The following DYNC2I2 variants were observed in gnomAD, a reference collection of about 807,000 sequenced individuals.
The protein encoded by DYNC2I2 is cytoplasmic dynein 2 intermediate chain 2.
A neutral mutation model predicts 52.0 loss-of-function variants in DYNC2I2; 39 were observed. That is an observed-to-expected ratio of 0.75 (90% CI 0.58 to 0.98). DYNC2I2 has a LOEUF of 0.98. DYNC2I2 is among the 50% of genes least tolerant of loss of function. DYNC2I2 has a pLI of 0.00. For synonymous variants in DYNC2I2, 359 were observed against 321.1 expected (o/e 1.12, Z -1.26); for missense variants, 743 against 728.4 (o/e 1.02, Z -0.23).
At chr9:128,656,219 A>G (rs1197204455) in intron 1 of DYNC2I2, among the ~76,000 whole-genome samples, 1 of 151,578 alleles carries the variant, frequency 6.6e-6, no homozygotes, top group Non-Finnish European at 1.5e-5. Context: ...AAAAAAAAAA[A>G]CACAAAACAA....
rs367838586 is a variant in DYNC2I2, at chr9:128,637,398, C to T, written c.436-371G>A. Among the ~76,000 whole-genome samples the T allele has an allele frequency of 3.9e-5, 6 of 152,334 alleles. No individual in the cohort carries two copies. The East Asian group carries it at 5.8e-4, about 15-fold the overall frequency. On this transcript the variant is annotated intron_variant, in intron 2 of 8. Transcript: ENST00000372715. ...GGGTCAAGCGAACCACCCGACGTCACGCTGTGCTACACGCACATGATTTTT... is the reference window on the plus strand; with the variant it reads ...GGGTCAAGCGAACCACCCGACGTCATGCTGTGCTACACGCACATGATTTTT...
chr9:128,657,295 A>G (rs1860851299), upstream of DYNC2I2, among the ~76,000 whole-genome samples: 2 of 152,234 alleles, frequency 1.3e-5, no homozygotes, highest in Non-Finnish European at 1.5e-5. Context: ...CTACAGAAAC[A>G]TGCTTATTAA....
At position 128,633,880 on chromosome 9, in the gene DYNC2I2, C is replaced by CTGTT; in HGVS notation, c.1471_1474dup (p.Ser492LysfsTer35). On this transcript the variant is annotated frameshift_variant, in exon 9 of 9. Coordinates refer to ENST00000372715, the MANE Select transcript of DYNC2I2 (RefSeq NM_052844.4). LOFTEE classifies it high-confidence loss of function. ...CGCAGCCAAGAGCTGAGTCTGCTGGCTGTTGAACTCCAGACAGTAGACAGG... is the reference window on the plus strand; with the variant it reads ...CGCAGCCAAGAGCTGAGTCTGCTGGCTGTTTGTTGAACTCCAGACAGTAGACAGG... The CTGTT allele has an allele frequency of 9.3e-6, 15 of 1,613,498 alleles. No homozygotes were observed. The highest frequency in any genetic ancestry group is 1.3e-5 in the Non-Finnish European group (15 of 1,180,046).
intron 4 of DYNC2I2, 159 bp downstream of exon 4, chr9:128,636,122 G>T: frequency 8.7e-7 from 1 of 1,145,052 alleles, no homozygotes; most frequent in Non-Finnish European, 1.3e-6. Context: ...CACCCCTCAG[G>T]GCTCACTGCA....
In DYNC2I2 at chr9:128,656,738, C is replaced by A; in HGVS notation, c.-12G>T. On this transcript the variant is annotated 5_prime_UTR_variant, in exon 1 of 9. Coordinates refer to ENST00000372715, the MANE Select transcript of DYNC2I2 (RefSeq NM_052844.4). ...GCGCGGGTTGCCATGGAGACGGTTC[C>A]GCCCTCTCGTGCGGACGCACTCAGG... The A allele has an allele frequency of 7.3e-7, 1 of 1,374,140 alleles. No individual in the cohort carries two copies. Among genetic ancestry groups the A allele is most frequent in the East Asian group, 2.9e-5 (1 of 33,996 alleles). The allele number at this position is 1,374,140 out of a possible 1,614,324, so 85.1% of individuals were successfully genotyped here.
At chr9:128,637,264 G>A (rs1194190455) in intron 2 of DYNC2I2, among the ~76,000 whole-genome samples, 1 of 152,212 alleles carries the variant, frequency 6.6e-6, no homozygotes, top group African/African-American at 2.4e-5. Flanking sequence ...CCAGAGGGGT[G>A]GCTGCCCTCA....
rs1860831276 is a variant in DYNC2I2, at chr9:128,656,614, AGCGGCCCTGGCC to A, written c.101_112del (p.Arg34_Pro37del). The A allele has an allele frequency of 6.7e-7, 1 of 1,496,134 alleles. No homozygotes were observed. The highest frequency in any genetic ancestry group is 8.8e-7 in the Non-Finnish European group (1 of 1,130,652). 92.7% of individuals were successfully genotyped at this position (1,496,134 alleles called of 1,614,324 possible). A position where few individuals can be genotyped will look rare whatever the true frequency, so the allele number is the denominator to read the frequency against. On this transcript the variant is annotated inframe_deletion, in exon 1 of 9. Transcript: ENST00000372715. ...CGCCACACCCAGGGTCTCGTCCTGC[AGCGGCCCTGGCC>A]GCCCCGGCCCCGGGCCGCTCGCAAC...
intron 1 of DYNC2I2, among the ~76,000 whole-genome samples, chr9:128,642,638 C>A (rs7037687): frequency 9.2e-5 from 14 of 151,670 alleles, no homozygotes; most frequent in Non-Finnish European, 1.8e-4. Flanking sequence ...GGGCATGGTC[C>A]TGGGTGCCTG....
the DYNC2I2 span, chr9:128,683,433 T>C: frequency 4.4e-6 from 1 of 224,870 alleles, no homozygotes; most frequent in Non-Finnish European, 8.8e-6. Context: ...TACTGAGGAA[T>C]GTTCCAAGCT....
At chr9:128,640,586 G>T in intron 2 of DYNC2I2, 105 bp downstream of exon 2, 1 of 1,510,468 alleles carries the variant, frequency 6.6e-7, no homozygotes, top group African/African-American at 1.4e-5. Context: ...GGTGATTGCT[G>T]GCCGTGATGA....
At chr9:128,679,310 C>A in the DYNC2I2 span, among the ~76,000 whole-genome samples, 1 of 152,016 alleles carries the variant, frequency 6.6e-6, no homozygotes, top group African/African-American at 2.4e-5. Context: ...AGAAGGAGCC[C>A]AGAGTCTCAG....
rs1322416112 is a variant in DYNC2I2 at position 128,650,528 on chromosome 9, T to TATATATATATATATATATA, written c.186+5994_186+6012dup. On this transcript the variant is annotated intron_variant, in intron 1 of 8. Coordinates refer to ENST00000372715, the MANE Select transcript of DYNC2I2 (RefSeq NM_052844.4). ...AAAAGTCAAGTCAGGCCAAAGACCA[T>TATATATATATATATATATA]ATATATATATATATATATATGCCAC... 7.6e-5 allele frequency among the ~76,000 whole-genome samples: 2 copies of TATATATATATATATATATA among 26,146 alleles called. 1 individual carries two copies. The highest frequency in any genetic ancestry group is 1.6e-4 in the African/African-American group (2 of 12,718). 17.2% of individuals were successfully genotyped at this position (26,146 alleles called of 152,430 possible).
the DYNC2I2 span, among the ~76,000 whole-genome samples, chr9:128,671,506 A>G: frequency 0.98 from 137,620 of 140,488 alleles, 67,425 homozygotes; most frequent in Non-Finnish European, 1. Flanking sequence ...ACGGAGTCTC[A>G]CTCTGTCTCC....
chr9:128,634,479 G>A (rs534755152), intron 7 of DYNC2I2, 96 bp from the exon 8 acceptor site: 610 of 1,462,326 alleles, frequency 4.2e-4, no homozygotes, highest in Non-Finnish European at 4.6e-4. Flanking sequence ...TGCCAGGCTC[G>A]TGAAGAGCCT....
chr9:128,651,834 G>A lies in DYNC2I2; in HGVS notation c.186+4707C>T, dbSNP rs1218412465. 9.6e-5 allele frequency: 14 copies of A among 146,358 alleles called. 2 individuals are homozygous for A. The highest frequency in any genetic ancestry group is 3.7e-4 in the African/African-American group (14 of 38,092). The allele number at this position is 146,358 out of a possible 1,614,324, so 9.1% of individuals were successfully genotyped here. A position where few individuals can be genotyped will look rare whatever the true frequency, so the allele number is the denominator to read the frequency against. The stretch of plus-strand genomic sequence containing the variant: ...GGAGGCTGAGGCAGGAGAATTGCTT[G>A]AACCCAGGAGGCAGAGGTTGCAGTG... On this transcript the variant is annotated intron_variant, in intron 1 of 8. Transcript: ENST00000372715.
chr9:128,664,906 T>G, the DYNC2I2 span, among the ~76,000 whole-genome samples: 6 of 151,878 alleles, frequency 4.0e-5, no homozygotes, highest in Non-Finnish European at 7.4e-5. Flanking sequence ...GGAGGAGCAC[T>G]TGAGCTCAGG....
the DYNC2I2 span, among the ~76,000 whole-genome samples, chr9:128,668,891 A>G: frequency 6.6e-6 from 1 of 151,802 alleles, no homozygotes; most frequent in East Asian, 1.9e-4. Context: ...ACTTACCGGG[A>G]CAGTGTATAT....
chr9:128,642,404 C>G (rs984698938), intron 1 of DYNC2I2, among the ~76,000 whole-genome samples: 3 of 145,886 alleles, frequency 2.1e-5, no homozygotes, highest in African/African-American at 7.7e-5. Flanking sequence ...TGCACTGAGC[C>G]GAGATCATGC....
At chr9:128,662,752 G>C in the DYNC2I2 span, among the ~76,000 whole-genome samples, 3 of 152,014 alleles carry the variant, frequency 2.0e-5, no homozygotes, top group Non-Finnish European at 4.4e-5. Flanking sequence ...GCTAATTTTT[G>C]TAGGTTTCAC....
Sources: gnomAD v4.1 joint callset for allele counts (sites outside exome capture counted in the v4.1 genomes callset) on GRCh38, gnomAD v4.1.1 for gene constraint, MANE v1.5 for transcripts, NCBI Gene and HGNC (gene_info 2026-07-23, HGNC 2026-07-21) for gene names.